Variants in RSRP1 observed in about 807,000 individuals in gnomAD.
RSRP1 encodes arginine/serine-rich protein 1.
RSRP1 carries 37 observed loss-of-function variants against 33.0 expected under a neutral mutation model. The ratio of observed to expected loss-of-function variants is 1.12; its 90% CI spans 0.86 to 1.48. The LOEUF (loss-of-function observed/expected upper bound fraction) is 1.48, where lower values mean the gene tolerates loss of function less well. RSRP1 is among the 40% of genes most tolerant of loss of function. The pLI is 0.00. For synonymous variants in RSRP1, 167 were observed against 158.7 expected (o/e 1.05, Z -0.40); for missense variants, 402 against 385.3 (o/e 1.04, Z -0.36).
intron 1 of RSRP1, among the ~76,000 whole-genome samples, chr1:25,314,345 T>A (rs1475254374): frequency 7.5e-6 from 1 of 133,222 alleles, no homozygotes; most frequent in African/African-American, 2.6e-5. Flanking sequence ...TTAATATGCT[T>A]TTTGGACAGT....
At chr1:25,302,212 T>G (rs1313554646) in intron 1 of RSRP1, among the ~76,000 whole-genome samples, 1 of 130,708 alleles carries the variant, frequency 7.7e-6, no homozygotes, top group African/African-American at 2.7e-5. Flanking sequence ...GAGTAAATGG[T>G]AGGCAAACAT....
chr1:25,334,877 G>C (rs1361691258), intron 1 of RSRP1, among the ~76,000 whole-genome samples: 1 of 129,866 alleles, frequency 7.7e-6, no homozygotes, highest in Non-Finnish European at 1.8e-5. Context: ...TGAGGACCCC[G>C]GGCCTGGCCA....
intron 1 of RSRP1, among the ~76,000 whole-genome samples, chr1:25,258,861 CTT>C (rs1470677473): frequency 6.6e-6 from 1 of 152,124 alleles, no homozygotes; most frequent in Non-Finnish European, 1.5e-5. Flanking sequence ...CTAGAAAACA[CTT>C]TGTCATTTTA....
At chr1:25,259,634 C>A (rs1281327591) in intron 1 of RSRP1, among the ~76,000 whole-genome samples, 1 of 152,050 alleles carries the variant, frequency 6.6e-6, no homozygotes, top group Non-Finnish European at 1.5e-5. Context: ...TCCCGAGTAG[C>A]TGGGATTACA....
At chr1:25,288,120 T>G (rs1287397807) in intron 1 of RSRP1, among the ~76,000 whole-genome samples, 3 of 132,362 alleles carry the variant, frequency 2.3e-5, no homozygotes, top group Non-Finnish European at 5.4e-5. Context: ...TGGGTTCAGG[T>G]GATCCTCCTG....
At position 25,266,749 on chromosome 1, in the gene RSRP1, C is replaced by A. The variant is rs1640323853; in HGVS notation, c.-66-19720G>T. The A allele has an allele frequency of 1.9e-5, 3 of 159,694 alleles. 1 individual carries two copies. The highest frequency in any genetic ancestry group is 5.5e-5 in the African/African-American group (2 of 36,220). 9.9% of individuals were successfully genotyped at this position (159,694 alleles called of 1,614,324 possible). On this transcript the variant is annotated intron_variant, in intron 1 of 1. Transcript: ENST00000561867. ...GTGAAAGGGGGTTCTGCTCCGCGAC[C>A]ACTTCCTGGATCTCCCCCTCCACCC...
intron 1 of RSRP1, among the ~76,000 whole-genome samples, chr1:25,277,108 C>G (rs2124596096): frequency 7.5e-6 from 1 of 132,516 alleles, no homozygotes. Flanking sequence ...TAAAACCCTG[C>G]CATTAGTTGC....
chr1:25,303,038 G>A (rs1463705960), intron 1 of RSRP1, among the ~76,000 whole-genome samples: 1 of 131,374 alleles, frequency 7.6e-6, no homozygotes, highest in Admixed American at 7.4e-5. Flanking sequence ...TAATGAGTGT[G>A]ATGGGTGCCT....
At chr1:25,244,299 C>A in intron 3 of RSRP1, 1 of 1,287,986 alleles carries the variant, frequency 7.8e-7, no homozygotes, top group Non-Finnish European at 1.0e-6. Context: ...TGTACCTTTG[C>A]TTAGTTTAAA....
At chr1:25,243,696 T>TAA in intron 3 of RSRP1, 63 bp from the exon 4 acceptor site, 1 of 1,587,952 alleles carries the variant, frequency 6.3e-7, no homozygotes, top group South Asian at 1.1e-5. Context: ...AATCCTATAT[T>TAA]AAAAAATAGC....
chr1:25,269,965 T>C (rs1278367462), intron 1 of RSRP1, among the ~76,000 whole-genome samples: 1 of 131,514 alleles, frequency 7.6e-6, no homozygotes, highest in East Asian at 2.0e-4. Context: ...TGCCTGGACA[T>C]CTTTAGTGTT....
intron 1 of RSRP1, 86 bp from the exon 2 acceptor site, chr1:25,247,115 AGGCGGAGCCACGGCGCGGGC>A (rs1222537106): frequency 1.2e-6 from 1 of 851,902 alleles, no homozygotes; most frequent in Non-Finnish European, 1.7e-6. Flanking sequence ...AACCTCCGGG[AGGCGGAGCCACGGCGCGGGC>A]GGCGACCGCC....
rs573734809 is a variant in RSRP1 at position 25,296,211 on chromosome 1, A to T, written c.-67+41767T>A. 4.3e-4 allele frequency among the ~76,000 whole-genome samples: 51 copies of T among 118,856 alleles called. 5 individuals are homozygous for T. The highest frequency in any genetic ancestry group is 1.4e-3 in the African/African-American group (49 of 35,140). 78.0% of individuals were successfully genotyped at this position (118,856 alleles called of 152,430 possible). A position where few individuals can be genotyped will look rare whatever the true frequency, so the allele number is the denominator to read the frequency against. ...TTGGTTGTCTTCATCTGTGTATGTG[A>T]CTTTAACCCCTAAATACTTCAGTGT... On this transcript the variant is annotated intron_variant, in intron 1 of 1. Coordinates refer to the RSRP1 transcript ENST00000561867.
chr1:25,246,865 C>T lies in RSRP1; in HGVS notation c.99G>A (p.Arg33=), dbSNP rs752175944. The change falls in exon 2 of 5, where the codon CGG becomes CGA. Residue 33 remains arginine (R), a synonymous_variant. Coordinates refer to ENST00000243189, the MANE Select transcript of RSRP1 (RefSeq NM_020317.5). ...RSGGSSRLSS[R]SRSRSFSRSS... is the part of the protein sequence containing the mutation. ...TTCTGGAAAAAGAGCGGCTCCTAGA[C>T]CGCGACGACAGCCGGCTGGACCCGC... 6.2e-7 allele frequency: 1 copy of T among 1,610,858 alleles called. No homozygotes were observed. The highest frequency in any genetic ancestry group is 8.5e-7 in the Non-Finnish European group (1 of 1,178,114).
intron 1 of RSRP1, among the ~76,000 whole-genome samples, chr1:25,315,568 C>G (rs1644396223): frequency 8.1e-6 from 1 of 122,880 alleles, no homozygotes; most frequent in Non-Finnish European, 1.9e-5. Context: ...GTGATCTCAG[C>G]TCACTGCAAA....
At chr1:25,254,141 G>C (rs1639876620) in intron 1 of RSRP1, among the ~76,000 whole-genome samples, 1 of 152,164 alleles carries the variant, frequency 6.6e-6, no homozygotes, top group African/African-American at 2.4e-5. Flanking sequence ...AATTCCTGCT[G>C]CTGGGTGAAC....
intron 1 of RSRP1, among the ~76,000 whole-genome samples, chr1:25,269,906 C>G (rs533621716): frequency 5.3e-5 from 7 of 132,216 alleles, no homozygotes; most frequent in African/African-American, 1.8e-4. Context: ...CCACCACCCA[C>G]GCCGTTTGCC....
intron 1 of RSRP1, among the ~76,000 whole-genome samples, chr1:25,254,273 A>G (rs1238728928): frequency 1.3e-5 from 2 of 152,134 alleles, no homozygotes; most frequent in African/African-American, 2.4e-5. Context: ...GTGTGGAAAT[A>G]TCAGGCTTGC....
At chr1:25,260,695 G>A (rs1341270591) in intron 1 of RSRP1, among the ~76,000 whole-genome samples, 1 of 152,174 alleles carries the variant, frequency 6.6e-6, no homozygotes, top group Non-Finnish European at 1.5e-5. Context: ...TGCCGGCAAG[G>A]CTGGTTTCTG....
Sources: gnomAD v4.1 joint callset for allele counts (sites outside exome capture counted in the v4.1 genomes callset) on GRCh38, gnomAD v4.1.1 for gene constraint, MANE v1.5 for transcripts, NCBI Gene and HGNC (gene_info 2026-07-23, HGNC 2026-07-21) for gene names.